The following ELOC variants were observed in gnomAD, a reference collection of about 807,000 sequenced individuals.
ELOC encodes the protein elongin-C.
For synonymous variants in ELOC, 40 were observed against 51.3 expected, an observed-to-expected ratio of 0.78 and a Z score of 0.94; for missense variants, 38 against 139.0, an observed-to-expected ratio of 0.27 and a Z score of 3.65.
intron 1 of ELOC, chr8:73,964,338 G>C (rs1814826191): frequency 6.6e-6 from 1 of 151,500 alleles, no homozygotes; most frequent in African/African-American, 2.4e-5. Flanking sequence ...AGAAAGGACA[G>C]TCTCTTCAAC....
intron 2 of ELOC, among the ~76,000 whole-genome samples, chr8:73,958,793 C>G (rs184997563): frequency 6.6e-6 from 1 of 152,090 alleles, no homozygotes; most frequent in Admixed American, 6.6e-5. Context: ...ATCTGCCTGT[C>G]GGGAATATAT....
At position 73,946,020 on chromosome 8, in the gene ELOC, G is replaced by C. The variant is rs1382861283; in HGVS notation, c.*610C>G. 1 of 151,296 alleles carries C rather than the reference G, an allele frequency of 6.6e-6. No individual in the cohort carries two copies. The highest frequency in any genetic ancestry group is 1.5e-5 in the Non-Finnish European group (1 of 67,998). The allele number at this position is 151,296 out of a possible 1,614,324, so 9.4% of individuals were successfully genotyped here. Reference sequence around the variant, plus strand: ...CTACAGTTCAGTTTCTTCTGCAAAAGCTGTACCTAGTAACCTTCCAAAATT... The same window carrying C: ...CTACAGTTCAGTTTCTTCTGCAAAACCTGTACCTAGTAACCTTCCAAAATT... On this transcript the variant is annotated 3_prime_UTR_variant, in exon 4 of 4. Transcript: ENST00000520242.
chr8:73,967,942 A>G (rs1815102529), intron 1 of ELOC, among the ~76,000 whole-genome samples: 1 of 152,148 alleles, frequency 6.6e-6, no homozygotes, highest in South Asian at 2.1e-4. Context: ...GCAGTCCCCC[A>G]TTCCTCGAGG....
At chr8:73,958,072 G>A (rs1026471556) in intron 2 of ELOC, among the ~76,000 whole-genome samples, 3 of 150,998 alleles carry the variant, frequency 2.0e-5, no homozygotes, top group Non-Finnish European at 2.9e-5. Flanking sequence ...CGCTGCACCC[G>A]GACTACTTAT....
At chr8:73,959,404 C>G (rs1399349371) in intron 2 of ELOC, among the ~76,000 whole-genome samples, 1 of 151,922 alleles carries the variant, frequency 6.6e-6, no homozygotes, top group East Asian at 1.9e-4. Flanking sequence ...ATTCTATATG[C>G]TTTTTTCTAT....
At chr8:73,954,667 A>AAAG (rs1814027436) in intron 3 of ELOC, among the ~76,000 whole-genome samples, 1 of 144,972 alleles carries the variant, frequency 6.9e-6, no homozygotes, top group Non-Finnish European at 1.5e-5. Flanking sequence ...AAAAAAAAAA[A>AAAG]GAATAGAGAT....
At chr8:73,956,577 T>C (rs919491519) in intron 2 of ELOC, among the ~76,000 whole-genome samples, 2 of 152,166 alleles carry the variant, frequency 1.3e-5, no homozygotes, top group Non-Finnish European at 2.9e-5. Context: ...AGAATGCTAC[T>C]TCAGTGAAAA....
chr8:73,971,227 G>A (rs1039134057), intron 1 of ELOC, among the ~76,000 whole-genome samples: 1 of 151,842 alleles, frequency 6.6e-6, no homozygotes, highest in East Asian at 1.9e-4. Flanking sequence ...CCAACATGTC[G>A]AAACCCCGTC....
At chr8:73,953,914 T>C (rs1813955895) in intron 3 of ELOC, among the ~76,000 whole-genome samples, 1 of 152,230 alleles carries the variant, frequency 6.6e-6, no homozygotes, top group Admixed American at 6.5e-5. Context: ...CTATTCATGG[T>C]AGCCAAAATG....
intron 2 of ELOC, among the ~76,000 whole-genome samples, chr8:73,958,881 C>T (rs534942830): frequency 1.3e-5 from 2 of 152,276 alleles, no homozygotes; most frequent in African/African-American, 4.8e-5. Flanking sequence ...ATGATGCAAA[C>T]ATCCTAAGAG....
At chr8:73,967,149 A>G (rs573157673) in intron 1 of ELOC, among the ~76,000 whole-genome samples, 5 of 152,262 alleles carry the variant, frequency 3.3e-5, no homozygotes, top group Non-Finnish European at 4.4e-5. Flanking sequence ...GTTCATTTCT[A>G]TATGTATCAA....
chr8:73,951,459 A>G (rs1185787661), intron 3 of ELOC, among the ~76,000 whole-genome samples: 1 of 152,112 alleles, frequency 6.6e-6, no homozygotes, highest in African/African-American at 2.4e-5. Flanking sequence ...TGAGGCCAGG[A>G]GTTCAAGACC....
intron 3 of ELOC, 131 bp downstream of exon 3, chr8:73,955,780 C>G: frequency 8.9e-7 from 1 of 1,126,898 alleles, no homozygotes; most frequent in Non-Finnish European, 1.3e-6. Context: ...AACAAAAGAA[C>G]AAAAACATAA....
intron 3 of ELOC, among the ~76,000 whole-genome samples, chr8:73,947,969 G>A (rs1041270008): frequency 2.0e-5 from 3 of 151,990 alleles, no homozygotes; most frequent in Non-Finnish European, 4.4e-5. Context: ...TGAGGTGGGC[G>A]ATCATTTGAG....
chr8:73,970,185 T>G (rs1414090546), intron 1 of ELOC, among the ~76,000 whole-genome samples: 1 of 151,970 alleles, frequency 6.6e-6, no homozygotes. Flanking sequence ...GAGGCTAGAG[T>G]GAGCCGTGAT....
intron 1 of ELOC, among the ~76,000 whole-genome samples, chr8:73,971,180 C>T (rs1815373015): frequency 6.6e-6 from 1 of 152,000 alleles, no homozygotes; most frequent in South Asian, 2.1e-4. Flanking sequence ...CCGACGGGGG[C>T]GGATCACTTG....
intron 1 of ELOC, among the ~76,000 whole-genome samples, chr8:73,968,366 A>G (rs1191965645): frequency 6.6e-6 from 1 of 152,148 alleles, no homozygotes; most frequent in East Asian, 1.9e-4. Flanking sequence ...ACAACACAGA[A>G]CTTAAGGGCT....
At chr8:73,961,215 T>C (rs1814569775) in intron 1 of ELOC, among the ~76,000 whole-genome samples, 2 of 152,220 alleles carry the variant, frequency 1.3e-5, no homozygotes, top group South Asian at 4.1e-4. Context: ...TCATTTATAC[T>C]GATACTCTTT....
At chr8:73,961,482 G>T (rs1814589528) in intron 1 of ELOC, among the ~76,000 whole-genome samples, 1 of 152,050 alleles carries the variant, frequency 6.6e-6, no homozygotes, top group Non-Finnish European at 1.5e-5. Context: ...CACTTGCTAG[G>T]CATGGAGACA....
Sources: gnomAD v4.1 joint callset for allele counts (sites outside exome capture counted in the v4.1 genomes callset) on GRCh38, gnomAD v4.1.1 for gene constraint, MANE v1.5 for transcripts, NCBI Gene and HGNC (gene_info 2026-07-23, HGNC 2026-07-21) for gene names.